Variants in PLEKHA5 observed in about 807,000 individuals in gnomAD.
PLEKHA5 encodes the protein pleckstrin homology domain containing A5, also known as pleckstrin homology domain-containing family A member 5.
PLEKHA5 carries 55 observed loss-of-function variants against 181.9 expected under a neutral mutation model. The ratio of observed to expected loss-of-function variants is 0.30; its 90% CI spans 0.24 to 0.38. The LOEUF (loss-of-function observed/expected upper bound fraction) is 0.38, where lower values mean the gene tolerates loss of function less well. PLEKHA5 is among the 10% of genes least tolerant of loss of function. PLEKHA5 has a pLI of 1.00. For synonymous variants in PLEKHA5, 535 were observed against 529.4 expected (o/e 1.01, Z -0.15); for missense variants, 1,432 against 1,549.5 (o/e 0.92, Z 1.27).
intron 3 of PLEKHA5, among the ~76,000 whole-genome samples, chr12:19,196,903 CTGAT>C (rs2052930054): frequency 6.7e-6 from 1 of 149,010 alleles, no homozygotes; most frequent in African/African-American, 2.5e-5. Flanking sequence ...GATTCCAGCA[CTGAT>C]TGACCATGTT....
chr12:19,325,621 G>A (rs541528273), intron 20 of PLEKHA5, among the ~76,000 whole-genome samples: 12 of 150,630 alleles, frequency 8.0e-5, no homozygotes, highest in Non-Finnish European at 1.0e-4. Flanking sequence ...CCGGGAGGCG[G>A]TGGTTGCAGT....
intron 15 of PLEKHA5, among the ~76,000 whole-genome samples, chr12:19,298,923 C>T (rs936793096): frequency 1.3e-5 from 2 of 152,174 alleles, no homozygotes; most frequent in African/African-American, 4.8e-5. Flanking sequence ...GAGGATAACA[C>T]ATAGAGAAAG....
chr12:19,210,781 G>A lies in PLEKHA5; in HGVS notation c.228-43159G>A, dbSNP rs967766713. ...GGAGATGGATTACTAAGGTTAATAA[G>A]AAGTAGAAATTATAGAGCAAAGGAT... On this transcript the variant is annotated intron_variant, in intron 3 of 31. Transcript: ENST00000429027. 3.9e-5 allele frequency among the ~76,000 whole-genome samples: 6 copies of A among 152,192 alleles called. No individual in the cohort carries two copies. In the East Asian group the frequency reaches 1.2e-3, roughly 29 times the overall value.
chr12:19,348,922 A>G (rs2094458995), intron 25 of PLEKHA5, among the ~76,000 whole-genome samples: 1 of 152,178 alleles, frequency 6.6e-6, no homozygotes, highest in Non-Finnish European at 1.5e-5. Context: ...AGATCGCACC[A>G]CTGCACTCCA....
At chr12:19,185,104 T>C (rs1449651288) in intron 3 of PLEKHA5, among the ~76,000 whole-genome samples, 1 of 152,140 alleles carries the variant, frequency 6.6e-6, no homozygotes, top group African/African-American at 2.4e-5. Flanking sequence ...TTTTTTTTTT[T>C]CTTTTAACAT....
intron 12 of PLEKHA5, among the ~76,000 whole-genome samples, chr12:19,284,769 A>G (rs922464471): frequency 1.3e-5 from 2 of 151,782 alleles, no homozygotes; most frequent in South Asian, 2.1e-4. Flanking sequence ...TTTTTTTTTC[A>G]TACTGAAGAG....
At chr12:19,327,967 C>T (rs1426909784) in intron 20 of PLEKHA5, among the ~76,000 whole-genome samples, 3 of 152,020 alleles carry the variant, frequency 2.0e-5, no homozygotes, top group Non-Finnish European at 2.9e-5. Flanking sequence ...TAGTTTGAGG[C>T]CTGACACTTA....
At chr12:19,267,784 A>G (rs868309559) in intron 8 of PLEKHA5, among the ~76,000 whole-genome samples, 20 of 151,978 alleles carry the variant, frequency 1.3e-4, no homozygotes, top group Middle Eastern at 3.4e-3. Context: ...ACCAACATGG[A>G]AAAACCCTGT....
intron 15 of PLEKHA5, among the ~76,000 whole-genome samples, chr12:19,305,861 CAAAAAA>C (rs376068601): frequency 7.7e-4 from 29 of 37,908 alleles, no homozygotes; most frequent in African/African-American, 2.2e-3. Context: ...AACTCCATCT[CAAAAAA>C]AAAAAAAAAA....
intron 21 of PLEKHA5, among the ~76,000 whole-genome samples, chr12:19,342,784 A>T (rs1186552739): frequency 6.6e-6 from 1 of 152,158 alleles, no homozygotes; most frequent in African/African-American, 2.4e-5. Context: ...CTCAAAAAAA[A>T]ATAAAAATAA....
intron 3 of PLEKHA5, among the ~76,000 whole-genome samples, chr12:19,191,658 G>T (rs1201730154): frequency 6.6e-6 from 1 of 152,168 alleles, no homozygotes; most frequent in East Asian, 1.9e-4. Flanking sequence ...AACATTCCCT[G>T]TTCCTGTGAG....
At chr12:19,196,203 GATT>G (rs986720206) in intron 3 of PLEKHA5, among the ~76,000 whole-genome samples, 2 of 152,004 alleles carry the variant, frequency 1.3e-5, no homozygotes, top group African/African-American at 4.8e-5. Context: ...TGTCAACAAA[GATT>G]ATATTTTATA....
chr12:19,290,772 A>G lies in PLEKHA5; in HGVS notation c.1959A>G (p.Leu653=). ...ATACGTTAGCACAGCTCATGCAGCT[A>G]AAGCTTGAGGCCCACAGCCCAAAGG... ...REHTLAQLMQ[L]KLEAHSPKNE... is the part of the protein sequence containing the mutation. The change falls in exon 14 of 32, where the codon CTA becomes CTG. Residue 653 remains leucine, a synonymous_variant. Transcript: ENST00000429027. The G allele has an allele frequency of 6.5e-7, 1 of 1,535,284 alleles. No individual in the cohort carries two copies. The highest frequency in any genetic ancestry group is 1.2e-5 in the South Asian group (1 of 83,928).
chr12:19,265,916 C>A (rs1321809663), intron 8 of PLEKHA5, 66 bp downstream of exon 8: 1 of 770,006 alleles, frequency 1.3e-6, no homozygotes, highest in South Asian at 1.7e-5. Context: ...GGATATTGAG[C>A]CATAGATTAT....
At chr12:19,276,894 A>G (rs148158734) in intron 11 of PLEKHA5, among the ~76,000 whole-genome samples, 77 of 152,272 alleles carry the variant, frequency 5.1e-4, no homozygotes, top group Non-Finnish European at 9.4e-4. Context: ...TTATTTGTCA[A>G]TTTTCTTTAA....
At chr12:19,161,763 TACCAGTAAA>T (rs2043023203) in intron 3 of PLEKHA5, among the ~76,000 whole-genome samples, 1 of 152,212 alleles carries the variant, frequency 6.6e-6, no homozygotes, top group Admixed American at 6.5e-5. Flanking sequence ...ATTGAGAAGA[TACCAGTAAA>T]ACCATTTCTA....
intron 3 of PLEKHA5, among the ~76,000 whole-genome samples, chr12:19,242,265 G>T (rs2062782398): frequency 6.7e-6 from 1 of 150,322 alleles, no homozygotes; most frequent in Admixed American, 6.6e-5. Flanking sequence ...TTGAGACAGA[G>T]TCTCACTCTG....
intron 5 of PLEKHA5, among the ~76,000 whole-genome samples, chr12:19,255,908 C>T (rs1166466861): frequency 6.8e-6 from 1 of 146,872 alleles, no homozygotes; most frequent in Non-Finnish European, 1.5e-5. Context: ...AAGAAAAGCT[C>T]AGAATGCAGA....
intron 3 of PLEKHA5, among the ~76,000 whole-genome samples, chr12:19,196,174 A>G (rs17269507): frequency 0.073 from 11,130 of 152,246 alleles, 433 homozygotes; most frequent in South Asian, 0.11. Context: ...TGAAAAATCT[A>G]TCATCTTCCT....
Sources: allele counts gnomAD v4.1 joint callset (sites outside exome capture counted in the v4.1 genomes callset), GRCh38; gene constraint gnomAD v4.1.1; transcripts MANE v1.5; gene names NCBI Gene and HGNC (gene_info 2026-07-23, HGNC 2026-07-21).